SPATS1: variants seen among roughly 807,000 people sequenced by gnomAD.
SPATS1 encodes the protein spermatogenesis-associated serine-rich protein 1.
A neutral mutation model predicts 33.6 loss-of-function variants in SPATS1; 23 were observed. That is an observed-to-expected ratio of 0.68 (90% CI 0.49 to 0.97). The LOEUF (loss-of-function observed/expected upper bound fraction) is 0.97, where lower values mean the gene tolerates loss of function less well. Ranked by LOEUF, SPATS1 falls within the 50% of genes least tolerant of loss-of-function variation. The pLI is 0.00. For synonymous variants in SPATS1, 131 were observed against 125.6 expected (o/e 1.04, Z -0.29); for missense variants, 327 against 361.0 (o/e 0.91, Z 0.76).
At chr6:44,344,231 G>C (rs4714780) in intron 2 of SPATS1, among the ~76,000 whole-genome samples, 20,442 of 152,134 alleles carry the variant, frequency 0.13, 1,606 homozygotes, top group Admixed American at 0.25. Flanking sequence ...GTTAGGGGTA[G>C]CAGAAGGGTA....
chr6:44,359,770 A>G (rs1255076850), intron 3 of SPATS1, among the ~76,000 whole-genome samples: 1 of 151,854 alleles, frequency 6.6e-6, no homozygotes, highest in Non-Finnish European at 1.5e-5. Context: ...GGGTGTCTCC[A>G]TGTTGCCCAG....
chr6:44,351,299 C>T (rs1788228516), intron 2 of SPATS1, among the ~76,000 whole-genome samples: 2 of 151,986 alleles, frequency 1.3e-5, no homozygotes, highest in Admixed American at 6.6e-5. Flanking sequence ...ATGTTATATT[C>T]GAATACTACA....
intron 5 of SPATS1, among the ~76,000 whole-genome samples, chr6:44,363,672 T>TTCCTTCCC (rs1317342684): frequency 8.0e-5 from 2 of 24,994 alleles, no homozygotes; most frequent in South Asian, 1.1e-3. Context: ...CCCTCCTTCC[T>TTCCTTCCC]TCCTTCCCTC....
intron 3 of SPATS1, among the ~76,000 whole-genome samples, chr6:44,359,637 C>T (rs1298937): frequency 6.6e-5 from 10 of 151,914 alleles, no homozygotes; most frequent in East Asian, 1.9e-4. Flanking sequence ...AGTGCAGTGG[C>T]GAGATCTCTG....
chr6:44,374,897 G>A (rs1789836265), intron 7 of SPATS1, among the ~76,000 whole-genome samples: 1 of 152,186 alleles, frequency 6.6e-6, no homozygotes, highest in South Asian at 2.1e-4. Flanking sequence ...TACCTATGTG[G>A]TAACCGTCCT....
chr6:44,345,383 A>C (rs1312762371), intron 2 of SPATS1, among the ~76,000 whole-genome samples: 2 of 152,182 alleles, frequency 1.3e-5, no homozygotes, highest in Non-Finnish European at 2.9e-5. Context: ...CTGCTGCCAC[A>C]AAACTTTTCA....
chr6:44,362,659 G>A (rs1385629948), intron 5 of SPATS1, among the ~76,000 whole-genome samples: 1 of 152,206 alleles, frequency 6.6e-6, no homozygotes, highest in Admixed American at 6.5e-5. Context: ...AATACAAAGA[G>A]AAAGAAGTAG....
intron 5 of SPATS1, among the ~76,000 whole-genome samples, chr6:44,363,332 A>G (rs1458148847): frequency 6.6e-6 from 1 of 151,970 alleles, no homozygotes; most frequent in Admixed American, 6.5e-5. Context: ...TTTAGTAGAG[A>G]CAGGGTTTCT....
intron 5 of SPATS1, 93 bp from the exon 6 acceptor site, chr6:44,368,286 A>C (rs1031944498): frequency 1.3e-5 from 16 of 1,243,952 alleles, no homozygotes; most frequent in Admixed American, 4.6e-5. Flanking sequence ...AAATACTAAA[A>C]TATCCTCTTT....
At chr6:44,373,935 C>T (rs1789778299) in intron 7 of SPATS1, among the ~76,000 whole-genome samples, 1 of 152,160 alleles carries the variant, frequency 6.6e-6, no homozygotes, top group Admixed American at 6.5e-5. Flanking sequence ...TTTCAAGGCT[C>T]ATTGTCTATT....
rs55976441 is a variant in SPATS1 at position 44,379,599 on chromosome 6, C to CAAAAAAAA, written c.*2557_*2564dup. Among the ~76,000 whole-genome samples, 49 of 54,742 alleles carry CAAAAAAAA rather than the reference C, an allele frequency of 9.0e-4. No homozygotes were observed. The highest frequency in any genetic ancestry group is 1.9e-3 in the South Asian group (2 of 1,064). 35.9% of individuals were successfully genotyped at this position (54,742 alleles called of 152,430 possible). A position where few individuals can be genotyped will look rare whatever the true frequency, so the allele number is the denominator to read the frequency against. ...TGGGCAACAGAGTGAGACTCTGTCT[C>CAAAAAAAA]AAAAAAAAAAAAAAAAAAAAAAAAA... On this transcript the variant is annotated 3_prime_UTR_variant, in exon 9 of 9. Transcript: ENST00000674044.
chr6:44,353,696 A>G (rs1298711359), intron 3 of SPATS1, among the ~76,000 whole-genome samples: 1 of 152,212 alleles, frequency 6.6e-6, no homozygotes, highest in East Asian at 1.9e-4. Flanking sequence ...CAATGGAAGT[A>G]ATTTAAGTTT....
chr6:44,359,221 G>A (rs1481407461), intron 3 of SPATS1, among the ~76,000 whole-genome samples: 6 of 152,020 alleles, frequency 3.9e-5, no homozygotes, highest in Non-Finnish European at 7.4e-5. Flanking sequence ...TTGGCATCCC[G>A]AAATACTAAG....
intron 6 of SPATS1, among the ~76,000 whole-genome samples, 168 bp from the exon 7 acceptor site, chr6:44,369,883 A>AAAATT (rs1321858771): frequency 6.7e-6 from 1 of 150,292 alleles, no homozygotes; most frequent in Non-Finnish European, 1.5e-5. Context: ...AAACATACAT[A>AAAATT]AAATAAAATA....
At position 44,375,528 on chromosome 6, in the gene SPATS1, G is replaced by A. The variant is rs753719132; in HGVS notation, c.759-830G>A. On this transcript the variant is annotated intron_variant, in intron 7 of 8. Transcript: ENST00000674044. ...AAGCCCAGCTCAAAGGTGGAAGCAC[G>A]GGTGGGGATGGTGGCTCATGCCTGT... Among the ~76,000 whole-genome samples the A allele has an allele frequency of 5.3e-5, 8 of 152,336 alleles. 1 individual carries two copies. The South Asian group carries it at 6.2e-4, about 12-fold the overall frequency.
intron 6 of SPATS1, 69 bp from the exon 7 acceptor site, chr6:44,369,982 A>G (rs898614692): frequency 3.3e-5 from 37 of 1,122,692 alleles, no homozygotes; most frequent in Admixed American, 3.3e-4. Flanking sequence ...TCTATTGAAT[A>G]CAATGATGTA....
In SPATS1 at chr6:44,379,983, A is replaced by G. The variant is rs1790131331; in HGVS notation, c.*2920A>G. On this transcript the variant is annotated 3_prime_UTR_variant, in exon 9 of 9. Coordinates refer to ENST00000674044, the MANE Select transcript of SPATS1 (RefSeq NM_001372081.1). ...GCTGTCAGGTAGAGTTCCACTGCCAACTTTGGACAGCATGAGTATGTCTAC... is the reference window on the plus strand; with the variant it reads ...GCTGTCAGGTAGAGTTCCACTGCCAGCTTTGGACAGCATGAGTATGTCTAC... 6.6e-6 allele frequency among the ~76,000 whole-genome samples: 1 copy of G among 152,180 alleles called. No homozygotes were observed. Among genetic ancestry groups the G allele is most frequent in the African/African-American group, 2.4e-5 (1 of 41,450 alleles).
intron 3 of SPATS1, among the ~76,000 whole-genome samples, chr6:44,354,273 G>A (rs914581729): frequency 6.6e-6 from 1 of 151,730 alleles, no homozygotes; most frequent in Non-Finnish European, 1.5e-5. Flanking sequence ...GTTCCAGGCT[G>A]CAGTGAGCCA....
chr6:44,356,250 C>T lies in SPATS1; in HGVS notation c.287+3377C>T, dbSNP rs78562516. Among the ~76,000 whole-genome samples the T allele has an allele frequency of 8.3e-3, 1,260 of 152,224 alleles. 7 individuals carry two copies. The highest frequency in any genetic ancestry group is 0.017 in the South Asian group (80 of 4,824). On this transcript the variant is annotated intron_variant, in intron 3 of 8. Coordinates refer to ENST00000674044, the MANE Select transcript of SPATS1 (RefSeq NM_001372081.1). Reference sequence around the variant, plus strand: ...TCATACTTGTCTCCTGCCGCTCATCCAATGGGGGATCAAGCCCTGAAACAC... The same window carrying T: ...TCATACTTGTCTCCTGCCGCTCATCTAATGGGGGATCAAGCCCTGAAACAC...
Sources: gnomAD v4.1 joint callset for allele counts (sites outside exome capture counted in the v4.1 genomes callset) on GRCh38, gnomAD v4.1.1 for gene constraint, MANE v1.5 for transcripts, NCBI Gene and HGNC (gene_info 2026-07-23, HGNC 2026-07-21) for gene names.